GREM2: variants seen among roughly 807,000 people sequenced by gnomAD.
GREM2 encodes the protein gremlin-2.
A neutral mutation model predicts 14.2 loss-of-function variants in GREM2; 11 were observed. The ratio of observed to expected loss-of-function variants is 0.78; its 90% CI spans 0.49 to 1.28. The LOEUF (loss-of-function observed/expected upper bound fraction) is 1.28. Ranked by LOEUF, GREM2 falls within the 50% of genes most tolerant of loss-of-function variation. GREM2 has a pLI of 0.00. For synonymous variants in GREM2, 98 were observed against 97.6 expected (o/e 1.00, Z -0.02); for missense variants, 210 against 218.5 (o/e 0.96, Z 0.24).
intron 1 of GREM2, among the ~76,000 whole-genome samples, chr1:240,533,984 T>C (rs576510858): frequency 6.6e-6 from 1 of 152,162 alleles, no homozygotes; most frequent in Non-Finnish European, 1.5e-5. Context: ...TTTTGGTTGA[T>C]ATGTATTTGT....
intron 1 of GREM2, among the ~76,000 whole-genome samples, chr1:240,581,234 C>T (rs1679477553): frequency 7.0e-6 from 1 of 142,040 alleles, no homozygotes. Flanking sequence ...TGGGTGACAA[C>T]AGCAAAAATC....
At chr1:240,513,211 C>G (rs1241968738) in intron 1 of GREM2, among the ~76,000 whole-genome samples, 1 of 151,826 alleles carries the variant, frequency 6.6e-6, no homozygotes, top group South Asian at 2.1e-4. Flanking sequence ...AGGATGATAC[C>G]CAGATGTGTG....
chr1:240,560,312 G>T (rs1409402014), intron 1 of GREM2, among the ~76,000 whole-genome samples: 1 of 152,240 alleles, frequency 6.6e-6, no homozygotes, highest in Non-Finnish European at 1.5e-5. Flanking sequence ...GGTGCCAGCA[G>T]TTGTACCCAC....
intron 1 of GREM2, among the ~76,000 whole-genome samples, chr1:240,507,232 G>T (rs916784590): frequency 6.6e-6 from 1 of 152,168 alleles, no homozygotes; most frequent in Non-Finnish European, 1.5e-5. Context: ...AAACTCAGGG[G>T]AACACCAGCT....
chr1:240,519,802 C>T (rs1298242021), intron 1 of GREM2, among the ~76,000 whole-genome samples: 1 of 152,068 alleles, frequency 6.6e-6, no homozygotes, highest in Non-Finnish European at 1.5e-5. Flanking sequence ...TCACCAAGTC[C>T]AGGAGCGGTG....
chr1:240,582,235 A>G (rs1679498593), intron 1 of GREM2, among the ~76,000 whole-genome samples: 1 of 152,214 alleles, frequency 6.6e-6, no homozygotes, highest in African/African-American at 2.4e-5. Context: ...CAAGAGATCA[A>G]GACCATCCTG....
rs150714951 is a variant in GREM2, at chr1:240,553,377, C to A, written c.-2+58507G>T. On this transcript the variant is annotated intron_variant, in intron 1 of 1. Coordinates refer to ENST00000318160, the MANE Select transcript of GREM2 (RefSeq NM_022469.4). ...CAAATAATACATGCAATTTTTATTG[C>A]CATTTCCTCACTCCCTAAGAGTCAA... Among the ~76,000 whole-genome samples the A allele has an allele frequency of 6.4e-4, 98 of 152,262 alleles. 2 individuals are homozygous for A. In the East Asian group the frequency reaches 0.015, roughly 24 times the overall value.
chr1:240,563,097 GTA>G (rs1553277037), intron 1 of GREM2, among the ~76,000 whole-genome samples: 8 of 149,686 alleles, frequency 5.3e-5, no homozygotes, highest in African/African-American at 1.7e-4. Context: ...GTGTATGCGT[GTA>G]TGTGTGTATG....
At position 240,542,150 on chromosome 1, in the gene GREM2, C is replaced by A. The variant is rs1678603899; in HGVS notation, c.-1-48674G>T. On this transcript the variant is annotated intron_variant, in intron 1 of 1. Coordinates refer to ENST00000318160, the MANE Select transcript of GREM2 (RefSeq NM_022469.4). The surrounding 1 kb of genome is among the most constrained non-coding windows in gnomAD (Gnocchi z 4.1). ...GCCGAACATCCTGCAATGCACAAGA[C>A]AGTCCTCCACGACAAAACACCATCC... 6.6e-6 allele frequency among the ~76,000 whole-genome samples: 1 copy of A among 152,008 alleles called. No individual in the cohort carries two copies. Among genetic ancestry groups the A allele is most frequent in the African/African-American group, 2.4e-5 (1 of 41,380 alleles).
intron 1 of GREM2, among the ~76,000 whole-genome samples, chr1:240,580,435 T>C (rs186398919): frequency 5.9e-5 from 9 of 152,352 alleles, no homozygotes; most frequent in African/African-American, 1.9e-4. Context: ...TTTGCTGACA[T>C]GCCTTATCAA....
At position 240,489,999 on chromosome 1, in the gene GREM2, T is replaced by C. The variant is rs1677211018; in HGVS notation, c.*2970A>G. ...ATTTTTTATTGATTACGGAGTTTTC[T>C]TAAATGGCAGATTAAGTCAATTAAT... On this transcript the variant is annotated 3_prime_UTR_variant, in exon 2 of 2. Coordinates refer to ENST00000318160, the MANE Select transcript of GREM2 (RefSeq NM_022469.4). 1 of 152,222 alleles carries C rather than the reference T, an allele frequency of 6.6e-6. No individual in the cohort carries two copies. The highest frequency in any genetic ancestry group is 2.4e-5 in the African/African-American group (1 of 41,452). 9.4% of individuals were successfully genotyped at this position (152,222 alleles called of 1,614,324 possible).
At chr1:240,582,684 C>A (rs1399156203) in intron 1 of GREM2, among the ~76,000 whole-genome samples, 1 of 151,728 alleles carries the variant, frequency 6.6e-6, no homozygotes, top group African/African-American at 2.4e-5. Flanking sequence ...GTAATCTCAG[C>A]TACTTGGGAG....
chr1:240,520,735 A>G (rs961384509), intron 1 of GREM2, among the ~76,000 whole-genome samples: 1 of 151,776 alleles, frequency 6.6e-6, no homozygotes, highest in Admixed American at 6.6e-5. Context: ...TAGAGACGAG[A>G]TTTCACCATG....
At chr1:240,549,641 G>A (rs1477419302) in intron 1 of GREM2, among the ~76,000 whole-genome samples, 2 of 152,182 alleles carry the variant, frequency 1.3e-5, no homozygotes, top group Non-Finnish European at 2.9e-5. Context: ...GAGAAGAGGA[G>A]CTACAGCTTC....
At chr1:240,509,151 G>C (rs1383394804) in intron 1 of GREM2, among the ~76,000 whole-genome samples, 1 of 152,138 alleles carries the variant, frequency 6.6e-6, no homozygotes, top group South Asian at 2.1e-4. Context: ...GAAAGTAATT[G>C]TGACATGTGT....
chr1:240,514,118 G>A (rs1342401101), intron 1 of GREM2, among the ~76,000 whole-genome samples: 1 of 151,830 alleles, frequency 6.6e-6, no homozygotes, highest in African/African-American at 2.4e-5. Flanking sequence ...GTGGTGGCAT[G>A]CATCTGTAAC....
At chr1:240,547,532 T>G (rs12075520) in intron 1 of GREM2, among the ~76,000 whole-genome samples, 14,221 of 121,630 alleles carry the variant, frequency 0.12, 867 homozygotes, top group Admixed American at 0.13. Context: ...TATATATATA[T>G]ATAGATAGAT....
At chr1:240,590,884 C>T (rs1484489854) in intron 1 of GREM2, 1 of 151,822 alleles carries the variant, frequency 6.6e-6, no homozygotes, top group Non-Finnish European at 1.5e-5. Context: ...CTCCTGGGTT[C>T]AAGTGATTCT....
At chr1:240,610,191 A>G (rs976870486) in intron 1 of GREM2, among the ~76,000 whole-genome samples, 1 of 152,246 alleles carries the variant, frequency 6.6e-6, no homozygotes, top group Non-Finnish European at 1.5e-5. Flanking sequence ...ACAAATGCTC[A>G]CAATCATACA....
Sources: gnomAD v4.1 joint callset for allele counts (sites outside exome capture counted in the v4.1 genomes callset) on GRCh38, gnomAD v4.1.1 for gene constraint, Gnocchi (gnomAD v3.1) non-coding constraint, MANE v1.5 for transcripts, NCBI Gene and HGNC (gene_info 2026-07-23, HGNC 2026-07-21) for gene names.